Variants in LONP1 observed in about 807,000 individuals in gnomAD.
LONP1 encodes the protein lon protease homolog, mitochondrial.
In LONP1, 31 loss-of-function variants were observed where a neutral mutation model predicts 98.5. That is an observed-to-expected ratio of 0.31 (90% confidence interval 0.24 to 0.42). The LOEUF (loss-of-function observed/expected upper bound fraction) is 0.42, where lower values mean the gene tolerates loss of function less well. LONP1 is among the 20% of genes least tolerant of loss of function. The probability of loss-of-function intolerance (pLI) is 1.00; values close to 1 mark genes in which losing one functional copy is unlikely to be tolerated. For missense variants in LONP1, 1,336 were observed against 1,350.6 expected (o/e 0.99, Z 0.17); for synonymous variants, 781 against 594.7 (o/e 1.31, Z -4.56).
At position 5,693,380 on chromosome 19, in the gene LONP1, C is replaced by A. The variant is rs759340786; in HGVS notation, c.2621G>T (p.Arg874Leu). ...LLSLAMGRPV[R>L]QNLAMTGEVS... ...TTCGCCAGTCATGGCCAGATTCTGC[C>A]GGACAGGCCTGCCCATGGCCAGGGA... Residue 874 changes from arginine to leucine, a missense_variant, in exon 17 of 18, where the codon CGG becomes CTG. Physicochemically the swap from Arg to Leu is moderately radical, Grantham distance 102. Around this residue, in one of 5 missense-constraint regions of LONP1, gnomAD observed 555 missense variants for 542.6 expected, o/e 1.02. Transcript: ENST00000360614. 5.6e-6 allele frequency: 9 copies of A among 1,613,304 alleles called. No individual in the cohort carries two copies. The Middle Eastern group carries it at 4.9e-4, about 89-fold the overall frequency.
In LONP1 at chr19:5,707,160, G is replaced by C; in HGVS notation, c.1063-17C>G. The C allele has an allele frequency of 1.2e-6, 2 of 1,608,020 alleles. No homozygotes were observed. Among genetic ancestry groups the C allele is most frequent in the Non-Finnish European group, 1.7e-6 (2 of 1,175,838 alleles). The stretch of plus-strand genomic sequence containing the variant: ...CTTAGGAATCTGCCGAGACAGGGAG[G>C]ACAGAAAGGATGAGCAGAAGTCGGC... On this transcript the variant is annotated splice_polypyrimidine_tract_variant and intron_variant, in intron 6 of 17. Transcript: ENST00000360614.
intron 7 of LONP1, among the ~76,000 whole-genome samples, chr19:5,706,380 G>C (rs557737030): frequency 6.6e-6 from 1 of 152,174 alleles, no homozygotes; most frequent in African/African-American, 2.4e-5. Context: ...AGGCTGAAGC[G>C]GGCGGATCAC....
At chr19:5,708,161 G>C in intron 5 of LONP1, 181 bp downstream of exon 5, 1 of 642,390 alleles carries the variant, frequency 1.6e-6, no homozygotes, top group Non-Finnish European at 2.7e-6. Context: ...CTGCTGAGTC[G>C]GCCCCGGGCC....
chr19:5,718,178 A>G (rs2055351261), intron 1 of LONP1, among the ~76,000 whole-genome samples: 1 of 152,004 alleles, frequency 6.6e-6, no homozygotes. Context: ...AGTACTCAAC[A>G]TCAAGGAAAG....
At position 5,711,789 on chromosome 19, in the gene LONP1, C is replaced by G. The variant is rs745768310; in HGVS notation, c.852G>C (p.Gln284His). Residue 284 changes from glutamine (Q) to histidine (H), a missense_variant, in exon 4 of 18, where the codon CAG becomes CAC. Physicochemically the swap from Gln to His is conservative, Grantham distance 24. Coordinates refer to ENST00000360614, the MANE Select transcript of LONP1 (RefSeq NM_004793.4). ...EVENVVHEDF[Q>H]VTEEVKALTA... is the part of the protein sequence containing the mutation. ...GACTCACTTTCACCTCCTCCGTGAC[C>G]TGGAAGTCCTCGTGGACAACGTTCT... The G allele has an allele frequency of 3.1e-6, 5 of 1,610,260 alleles. No homozygotes were observed. The Admixed American group carries it at 8.3e-5, about 27-fold the overall frequency.
chr19:5,700,402 A>G (rs1316340428), intron 9 of LONP1, among the ~76,000 whole-genome samples: 2 of 152,162 alleles, frequency 1.3e-5, no homozygotes, highest in Non-Finnish European at 2.9e-5. Flanking sequence ...CATGAGCCAC[A>G]GCGCCCAGCC....
At chr19:5,717,869 TG>T (rs2055346318) in intron 1 of LONP1, among the ~76,000 whole-genome samples, 1 of 150,784 alleles carries the variant, frequency 6.6e-6, no homozygotes, top group East Asian at 1.9e-4. Context: ...TGCATGCCAC[TG>T]TGCCCGGCTT....
Position 5,699,200 on chromosome 19 carries a change from G to T in LONP1, c.1512C>A (p.Phe504Leu). The T allele has an allele frequency of 6.7e-7, 1 of 1,502,884 alleles. No homozygotes were observed. The highest frequency in any genetic ancestry group is 1.3e-5 in the South Asian group (1 of 75,902). The allele number at this position is 1,502,884 out of a possible 1,614,324, so 93.1% of individuals were successfully genotyped here. Residue 504 changes from phenylalanine (F) to leucine (L), a missense_variant, in exon 10 of 18, where the codon TTC becomes TTA. Coordinates refer to ENST00000360614, the MANE Select transcript of LONP1 (RefSeq NM_004793.4). ...MEDVKKRILE[F>L]IAVSQLRGST... ...AGCCGCGGAGCTGGCTAACGGCAAT[G>T]AACTCCTGCAGACAGAGGCAGGTTC... is the stretch of plus-strand genomic sequence containing the variant.
intron 13 of LONP1, 77 bp downstream of exon 13, chr19:5,695,977 A>G: frequency 7.5e-7 from 1 of 1,325,140 alleles, no homozygotes; most frequent in Non-Finnish European, 1.0e-6. Flanking sequence ...GAGCTCCCAG[A>G]GGCACGGCCT....
At chr19:5,700,172 G>A (rs1410316554) in intron 9 of LONP1, among the ~76,000 whole-genome samples, 3 of 152,102 alleles carry the variant, frequency 2.0e-5, no homozygotes, top group East Asian at 1.9e-4. Context: ...GGAGTGCAAT[G>A]GCACGATCTG....
chr19:5,702,929 C>T (rs2055081388), intron 8 of LONP1, among the ~76,000 whole-genome samples: 1 of 150,486 alleles, frequency 6.6e-6, no homozygotes, highest in Admixed American at 6.7e-5. Context: ...CCCTTGTTCA[C>T]TTGTTTATCT....
At chr19:5,701,455 C>T (rs1429817661) in intron 8 of LONP1, among the ~76,000 whole-genome samples, 3 of 152,156 alleles carry the variant, frequency 2.0e-5, no homozygotes, top group Non-Finnish European at 4.4e-5. Context: ...CTGAGCCTGC[C>T]GAGTGCCTGC....
chr19:5,720,040 AACCCGCCCCCCGGCGGCGGCCAGCATC>A lies in LONP1; in HGVS notation c.66_92del (p.Met23_Val31del). 1.3e-6 allele frequency: 2 copies of A among 1,549,942 alleles called. No homozygotes were observed. Among genetic ancestry groups the A allele is most frequent in the Non-Finnish European group, 1.7e-6 (2 of 1,151,644 alleles). On this transcript the variant is annotated inframe_deletion, in exon 1 of 18. Transcript: ENST00000360614. ...GCAACCACGCTCCTGCTGCAGTGGG[AACCCGCCCCCCGGCGGCGGCCAGCATC>A]GGCCGCCGCAGCACCCAGCACCGCG...
chr19:5,693,287 G>A lies in LONP1; in HGVS notation c.2703+11C>T, dbSNP rs759554860. ...CTGCCAGTGCTGTGGGGTGGGTACA[G>A]GGACACTCACCGCAATGGTCTTCTC... On this transcript the variant is annotated intron_variant, in intron 17 of 17. Transcript: ENST00000360614. 3 of 1,605,456 alleles carry A rather than the reference G, an allele frequency of 1.9e-6. No individual in the cohort carries two copies. Among genetic ancestry groups the A allele is most frequent in the Non-Finnish European group, 1.7e-6 (2 of 1,174,244 alleles).
At chr19:5,698,915 G>T in intron 10 of LONP1, 112 bp downstream of exon 10, 1 of 1,143,900 alleles carries the variant, frequency 8.7e-7, no homozygotes, top group Non-Finnish European at 1.2e-6. Flanking sequence ...AGTGGAATCG[G>T]TTGCCCACAA....
At chr19:5,701,620 C>T (rs920716806) in intron 8 of LONP1, among the ~76,000 whole-genome samples, 5 of 152,252 alleles carry the variant, frequency 3.3e-5, no homozygotes, top group South Asian at 2.1e-4. Context: ...GACGGAGTCT[C>T]GTTCACTCAG....
Position 5,708,400 on chromosome 19 carries a change from G to A in LONP1, c.874C>T (p.Leu292=), listed in dbSNP as rs1399538151. The A allele has an allele frequency of 7.7e-7, 1 of 1,304,114 alleles. No individual in the cohort carries two copies. The allele number at this position is 1,304,114 out of a possible 1,614,324, so 80.8% of individuals were successfully genotyped here. ...DFQVTEEVKA[L]TAEIVKTIRD... ...ATGGTCTTCACGATCTCTGCAGTCA[G>A]GGCCTGCCAAGTATGGGGCAGGGTC... The change falls in exon 5 of 18, where the codon CTG becomes TTG. Residue 292 remains leucine, a synonymous_variant. Coordinates refer to ENST00000360614, the MANE Select transcript of LONP1 (RefSeq NM_004793.4).
rs1599487734 is a variant in LONP1, at chr19:5,719,588, G to A, written c.429+116C>T. 3.9e-6 allele frequency: 6 copies of A among 1,547,372 alleles called. No individual in the cohort carries two copies. The East Asian group carries it at 9.6e-5, about 25-fold the overall frequency. ...GACAAGGATTCGAACTGCACCCTTC[G>A]AGAAACTTCATGTCTGAAAAAGTTG... On this transcript the variant is annotated intron_variant, in intron 1 of 17. Coordinates refer to ENST00000360614, the MANE Select transcript of LONP1 (RefSeq NM_004793.4).
chr19:5,692,318 C>A, intron 17 of LONP1, 110 bp from the exon 18 acceptor site: 1 of 1,130,262 alleles, frequency 8.8e-7, no homozygotes, highest in South Asian at 1.6e-5. Flanking sequence ...ACAGTGATGC[C>A]GGGTTCTAAG....
Sources: allele counts gnomAD v4.1 joint callset (sites outside exome capture counted in the v4.1 genomes callset), GRCh38; gene constraint gnomAD v4.1.1; regional missense constraint gnomAD v4.1.1; transcripts MANE v1.5; gene names NCBI Gene and HGNC (gene_info 2026-07-23, HGNC 2026-07-21).